Variants in GYPC observed in about 807,000 individuals in gnomAD.
GYPC encodes the protein glycophorin-C.
In GYPC, 14 loss-of-function variants were observed where a neutral mutation model predicts 12.6. The ratio of observed to expected loss-of-function variants is 1.11; its 90% CI spans 0.74 to 1.74. The LOEUF is 1.74. Among genes scored for constraint, GYPC ranks in the 40% most tolerant of loss-of-function variants. The probability of loss-of-function intolerance (pLI) is 0.00; values close to 1 mark genes in which losing one functional copy is unlikely to be tolerated. For missense variants in GYPC, 225 were observed against 172.1 expected, an observed-to-expected ratio of 1.31 and a Z score of -1.72; for synonymous variants, 78 against 62.1, an observed-to-expected ratio of 1.26 and a Z score of -1.20.
intron 1 of GYPC, among the ~76,000 whole-genome samples, chr2:126,670,154 C>G (rs369748506): frequency 1.3e-5 from 2 of 152,234 alleles, no homozygotes; most frequent in African/African-American, 4.8e-5. Flanking sequence ...CATGATGTCT[C>G]CTTCTGAGAC....
intron 3 of GYPC, among the ~76,000 whole-genome samples, chr2:126,695,224 G>A (rs1329259940): frequency 2.0e-5 from 3 of 152,180 alleles, no homozygotes; most frequent in Non-Finnish European, 4.4e-5. Context: ...AACCAGCTCT[G>A]CCCTGTTTTC....
At chr2:126,663,303 T>A (rs1682587870) in intron 1 of GYPC, among the ~76,000 whole-genome samples, 1 of 152,182 alleles carries the variant, frequency 6.6e-6, no homozygotes, top group Non-Finnish European at 1.5e-5. Flanking sequence ...CCCAAAGTGC[T>A]GGGATTATAG....
chr2:126,677,506 AGTGTGTGTGAGTCTGT>A (rs146057574), intron 1 of GYPC, among the ~76,000 whole-genome samples: 33,559 of 136,198 alleles, frequency 0.25, 4,626 homozygotes, highest in Non-Finnish European at 0.34. Flanking sequence ...TGTGTATGAG[AGTGTGTGTGAGTCTGT>A]GTGTGTGTGA....
chr2:126,664,714 G>C (rs973573708), intron 1 of GYPC, among the ~76,000 whole-genome samples: 3 of 152,234 alleles, frequency 2.0e-5, no homozygotes, highest in Admixed American at 6.5e-5. Context: ...GCCCATTGGA[G>C]GTTGAGGGGC....
In GYPC at chr2:126,690,266, G is replaced by A; in HGVS notation, c.61G>A (p.Gly21Arg). Reference protein sequence around the residue: ...AWPLSLEPDPGMASASTTMHT... With the variant: ...AWPLSLEPDPRMASASTTMHT... ...TCCTCTGTTCACAGAGCCTGATCCG[G>A]GGATGGCCTCTGCCTCCACCACAAT... is the stretch of plus-strand genomic sequence containing the variant. The change falls in exon 2 of 4, where the codon GGG becomes AGG. Residue 21 changes from glycine to arginine, a missense_variant. Transcript: ENST00000259254. 1 of 1,612,742 alleles carries A rather than the reference G, an allele frequency of 6.2e-7. No homozygotes were observed. Among genetic ancestry groups the A allele is most frequent in the Non-Finnish European group, 8.5e-7 (1 of 1,178,714 alleles).
rs893792 is a variant in GYPC, at chr2:126,689,083, C to T, written c.50-1172C>T. On this transcript the variant is annotated intron_variant, in intron 1 of 3. Transcript: ENST00000259254. ...AGACATCCTACCCTCTTTGGCCAGG[C>T]CATTAAGCTGTGAAAAAACACACTC... Among the ~76,000 whole-genome samples the T allele has an allele frequency of 1.8e-3, 267 of 152,276 alleles. 2 individuals carry two copies. Among genetic ancestry groups the T allele is most frequent in the African/African-American group, 5.2e-3 (218 of 41,546 alleles).
chr2:126,665,253 C>T (rs1335745277), intron 1 of GYPC, among the ~76,000 whole-genome samples: 1 of 147,010 alleles, frequency 6.8e-6, no homozygotes, highest in African/African-American at 2.6e-5. Context: ...CAGTAAGATA[C>T]TGAGAGAGAG....
intron 3 of GYPC, among the ~76,000 whole-genome samples, chr2:126,694,443 C>T (rs1683581898): frequency 6.6e-6 from 1 of 152,096 alleles, no homozygotes; most frequent in African/African-American, 2.4e-5. Context: ...TGAAGAACAA[C>T]CAAGTTTGGG....
At chr2:126,661,075 C>T (rs1457948997) in intron 1 of GYPC, among the ~76,000 whole-genome samples, 1 of 152,206 alleles carries the variant, frequency 6.6e-6, no homozygotes, top group Non-Finnish European at 1.5e-5. Context: ...AATCTTAACC[C>T]ATGGCAGAAA....
rs28387219 is a variant in GYPC, at chr2:126,693,955, C to G, written c.190+8C>G. 2.9e-3 allele frequency: 4,625 copies of G among 1,582,978 alleles called. 119 individuals are homozygous for G. In the African/African-American group the frequency reaches 0.053, roughly 18 times the overall value. On this transcript the variant is annotated splice_region_variant and intron_variant, in intron 3 of 3. Transcript: ENST00000259254. ...ACATTGTCGTCATTGCAGGTGAGCT[C>G]TCATCACAGAGCCCTTCAAGCAGCC...
chr2:126,669,017 G>A (rs1284164192), intron 1 of GYPC, among the ~76,000 whole-genome samples: 1 of 152,192 alleles, frequency 6.6e-6, no homozygotes, highest in Non-Finnish European at 1.5e-5. Flanking sequence ...ATAACTTCAA[G>A]GAGTATAATT....
chr2:126,662,042 T>A (rs28369973), intron 1 of GYPC, among the ~76,000 whole-genome samples: 4,714 of 152,336 alleles, frequency 0.031, 98 homozygotes, highest in Non-Finnish European at 0.048. Flanking sequence ...GCAGTGGGCA[T>A]TTTTACGAGG....
intron 1 of GYPC, chr2:126,686,567 T>A: frequency 1.0e-6 from 1 of 983,876 alleles, no homozygotes; most frequent in Non-Finnish European, 1.2e-6. Flanking sequence ...CAGTTGTCAT[T>A]CAGTGCCAGG....
intron 1 of GYPC, among the ~76,000 whole-genome samples, chr2:126,684,647 C>T (rs12053420): frequency 0.046 from 7,071 of 152,252 alleles, 273 homozygotes; most frequent in East Asian, 0.17. Flanking sequence ...GGTTACACAG[C>T]GTGCTCCTGA....
chr2:126,694,814 G>C (rs1035142313), intron 3 of GYPC, among the ~76,000 whole-genome samples: 8 of 145,140 alleles, frequency 5.5e-5, no homozygotes, highest in Non-Finnish European at 1.2e-4. Flanking sequence ...AGACAGGCTT[G>C]CTCTGCAGCT....
At chr2:126,668,173 ATC>A (rs1219668190) in intron 1 of GYPC, among the ~76,000 whole-genome samples, 1 of 152,074 alleles carries the variant, frequency 6.6e-6, no homozygotes, top group Non-Finnish European at 1.5e-5. Context: ...ACAACTACAA[ATC>A]TCTGTTGCAG....
chr2:126,682,846 G>A, intron 1 of GYPC, among the ~76,000 whole-genome samples: 1 of 152,168 alleles, frequency 6.6e-6, no homozygotes, highest in Admixed American at 6.6e-5. Context: ...GCAGCCAGAT[G>A]CTGACCAAGC....
At chr2:126,684,894 C>G (rs1683242677) in intron 1 of GYPC, among the ~76,000 whole-genome samples, 1 of 152,138 alleles carries the variant, frequency 6.6e-6, no homozygotes, top group Non-Finnish European at 1.5e-5. Context: ...ACTTTTGCAC[C>G]TCCCCAGCCA....
chr2:126,688,039 G>C (rs186813444), intron 1 of GYPC, among the ~76,000 whole-genome samples: 1 of 152,308 alleles, frequency 6.6e-6, no homozygotes, highest in East Asian at 1.9e-4. Context: ...TTTCTGGGAC[G>C]CAGCTGCCAA....
Sources: gnomAD v4.1 joint callset for allele counts (sites outside exome capture counted in the v4.1 genomes callset) on GRCh38, gnomAD v4.1.1 for gene constraint, MANE v1.5 for transcripts, NCBI Gene and HGNC (gene_info 2026-07-23, HGNC 2026-07-21) for gene names.